SH3GL3: variants seen among roughly 807,000 people sequenced by gnomAD.
The protein encoded by SH3GL3 is SH3 domain containing GRB2 like 3, endophilin A3.
A neutral mutation model predicts 47.7 loss-of-function variants in SH3GL3; 33 were observed. The ratio of observed to expected loss-of-function variants is 0.69; its 90% CI spans 0.52 to 0.92. The LOEUF (loss-of-function observed/expected upper bound fraction) is 0.92. SH3GL3 is among the 40% of genes least tolerant of loss of function. The probability of loss-of-function intolerance (pLI) is 0.00; values close to 1 mark genes in which losing one functional copy is unlikely to be tolerated. For missense variants in SH3GL3, 363 were observed against 417.8 expected (o/e 0.87, Z 1.14); for synonymous variants, 155 against 148.8 (o/e 1.04, Z -0.30).
intron 1 of SH3GL3, among the ~76,000 whole-genome samples, chr15:83,466,614 T>C (rs1242696203): frequency 6.6e-6 from 1 of 152,218 alleles, no homozygotes; most frequent in Non-Finnish European, 1.5e-5. Flanking sequence ...TGTTTAGGTT[T>C]TTAAGAAACT....
chr15:83,502,480 ATC>A (rs1450866986), intron 1 of SH3GL3, among the ~76,000 whole-genome samples: 1 of 152,238 alleles, frequency 6.6e-6, no homozygotes, highest in African/African-American at 2.4e-5. Flanking sequence ...AATGCCTTGT[ATC>A]TGTGACTTTT....
chr15:83,473,115 A>T (rs573188784), intron 1 of SH3GL3, among the ~76,000 whole-genome samples: 89 of 152,008 alleles, frequency 5.9e-4, no homozygotes, highest in Non-Finnish European at 1.1e-3. Context: ...CTGACTCTCC[A>T]CTAGGCATCC....
At chr15:83,609,499 A>T in intron 8 of SH3GL3, 1 of 348,018 alleles carries the variant, frequency 2.9e-6, no homozygotes, top group Non-Finnish European at 5.7e-6. Flanking sequence ...CATACCTTGT[A>T]CCCCAACAGG....
intron 1 of SH3GL3, among the ~76,000 whole-genome samples, chr15:83,479,973 T>G (rs1403057704): frequency 2.0e-5 from 3 of 152,246 alleles, no homozygotes; most frequent in Admixed American, 1.3e-4. Flanking sequence ...TCGTAATTGC[T>G]AAATAAATGC....
At chr15:83,476,861 G>C (rs1048027691) in intron 1 of SH3GL3, among the ~76,000 whole-genome samples, 1 of 152,156 alleles carries the variant, frequency 6.6e-6, no homozygotes, top group Non-Finnish European at 1.5e-5. Flanking sequence ...GAAGTATGGC[G>C]GTATGCATGT....
At chr15:83,517,222 T>G (rs1381250182) in intron 1 of SH3GL3, among the ~76,000 whole-genome samples, 1 of 120,310 alleles carries the variant, frequency 8.3e-6, no homozygotes, top group East Asian at 2.6e-4. Flanking sequence ...TTTTTTTTTT[T>G]GAGATGGAGT....
intron 1 of SH3GL3, among the ~76,000 whole-genome samples, chr15:83,474,155 T>A (rs2040984233): frequency 6.6e-6 from 1 of 152,206 alleles, no homozygotes; most frequent in African/African-American, 2.4e-5. Context: ...AATCCCTTCT[T>A]AGCGGATGTT....
intron 6 of SH3GL3, among the ~76,000 whole-genome samples, chr15:83,584,420 T>G (rs1032015843): frequency 2.0e-5 from 3 of 152,182 alleles, no homozygotes; most frequent in Non-Finnish European, 2.9e-5. Flanking sequence ...ATTTGCAGGT[T>G]TGGGGAATTA....
At position 83,448,442 on chromosome 15, in the gene SH3GL3, A is replaced by ATGTGTGTGTGTGTGTGTGTGTGTGTGTG. The variant is rs71156081; in HGVS notation, c.45+876_45+903dup. Among the ~76,000 whole-genome samples, 2 of 140,642 alleles carry ATGTGTGTGTGTGTGTGTGTGTGTGTGTG rather than the reference A, an allele frequency of 1.4e-5. No homozygotes were observed. The highest frequency in any genetic ancestry group is 2.8e-5 in the African/African-American group (1 of 36,308). 92.3% of individuals were successfully genotyped at this position (140,642 alleles called of 152,430 possible). A position where few individuals can be genotyped will look rare whatever the true frequency, so the allele number is the denominator to read the frequency against. ...AAACAGGAGGGGAGACATGAAATTG[A>ATGTGTGTGTGTGTGTGTGTGTGTGTGTG]TGTGTGTGTGTGTGTGTGTGTGTGT... is the stretch of plus-strand genomic sequence containing the variant. On this transcript the variant is annotated intron_variant, in intron 1 of 8. Transcript: ENST00000427482. The surrounding 1 kb of genome is among the most constrained non-coding windows in gnomAD (Gnocchi z 4.2).
At chr15:83,508,864 G>A (rs1183256748) in intron 1 of SH3GL3, among the ~76,000 whole-genome samples, 1 of 152,190 alleles carries the variant, frequency 6.6e-6, no homozygotes, top group Non-Finnish European at 1.5e-5. Context: ...AAAGGGCTCG[G>A]ATTACAGGCG....
intron 1 of SH3GL3, among the ~76,000 whole-genome samples, chr15:83,459,103 G>C (rs1408402969): frequency 6.6e-6 from 1 of 152,230 alleles, no homozygotes; most frequent in East Asian, 1.9e-4. Context: ...AGAACTTGGA[G>C]TCCAATGTTC....
rs184690788 is a variant in SH3GL3, at chr15:83,589,990, G to T, written c.838+1219G>T. 3.3e-3 allele frequency among the ~76,000 whole-genome samples: 500 copies of T among 152,230 alleles called. 1 individual carries two copies. The highest frequency in any genetic ancestry group is 0.011 in the African/African-American group (463 of 41,544). ...GCCAAGCACTCATGAGAAAAAAATG[G>T]TATCCAGTCTTAATTTGCATTTTCA... is the stretch of plus-strand genomic sequence containing the variant. On this transcript the variant is annotated intron_variant, in intron 8 of 8. Coordinates refer to ENST00000427482, the MANE Select transcript of SH3GL3 (RefSeq NM_003027.5).
chr15:83,448,158 G>C lies in SH3GL3; in HGVS notation c.45+580G>C, dbSNP rs1333153980. 6.6e-6 allele frequency among the ~76,000 whole-genome samples: 1 copy of C among 152,170 alleles called. No individual in the cohort carries two copies. Among genetic ancestry groups the C allele is most frequent in the Non-Finnish European group, 1.5e-5 (1 of 68,028 alleles). On this transcript the variant is annotated intron_variant, in intron 1 of 8. Coordinates refer to ENST00000427482, the MANE Select transcript of SH3GL3 (RefSeq NM_003027.5). The surrounding 1 kb of genome is among the most constrained non-coding windows in gnomAD (Gnocchi z 4.2). ...TCCTTCCCCTCCCCACCGTCTTCCCGGTGTCGGCCCGGGGCTGGGCATCAC... is the reference window on the plus strand; with the variant it reads ...TCCTTCCCCTCCCCACCGTCTTCCCCGTGTCGGCCCGGGGCTGGGCATCAC...
chr15:83,604,103 A>G (rs959299295), intron 8 of SH3GL3, among the ~76,000 whole-genome samples: 1 of 152,154 alleles, frequency 6.6e-6, no homozygotes, highest in Admixed American at 6.5e-5. Flanking sequence ...CCGAGATCGC[A>G]CCATTGCACT....
intron 1 of SH3GL3, among the ~76,000 whole-genome samples, chr15:83,468,802 T>G (rs562750604): frequency 4.3e-5 from 5 of 116,652 alleles, no homozygotes; most frequent in South Asian, 2.3e-4. Context: ...TTAGTAGTGT[T>G]TTTTTTTTTT....
chr15:83,587,482 T>A (rs1309621740), intron 7 of SH3GL3, among the ~76,000 whole-genome samples: 1 of 130,922 alleles, frequency 7.6e-6, no homozygotes, highest in Non-Finnish European at 1.5e-5. Context: ...TCCAGAGCTA[T>A]GGAAAAAAGT....
intron 1 of SH3GL3, among the ~76,000 whole-genome samples, chr15:83,457,918 T>G (rs1567234263): frequency 6.6e-6 from 1 of 152,240 alleles, no homozygotes; most frequent in Non-Finnish European, 1.5e-5. Flanking sequence ...CACTTGGAAT[T>G]TGATTTAAAA....
chr15:83,538,228 A>G (rs1259878881), intron 1 of SH3GL3, among the ~76,000 whole-genome samples: 1 of 152,212 alleles, frequency 6.6e-6, no homozygotes, highest in Non-Finnish European at 1.5e-5. Flanking sequence ...TATTTCTACT[A>G]TTCAAACAGA....
chr15:83,579,793 C>G (rs1470335506), intron 6 of SH3GL3, among the ~76,000 whole-genome samples: 5 of 152,288 alleles, frequency 3.3e-5, no homozygotes, highest in African/African-American at 1.2e-4. Flanking sequence ...CCATCTTACT[C>G]TCTTCTTGGG....
Sources: allele counts gnomAD v4.1 joint callset (sites outside exome capture counted in the v4.1 genomes callset), GRCh38; gene constraint gnomAD v4.1.1; non-coding constraint Gnocchi (gnomAD v3.1); transcripts MANE v1.5; gene names NCBI Gene and HGNC (gene_info 2026-07-23, HGNC 2026-07-21).